The following LMO7 variants were observed in gnomAD, a reference collection of about 807,000 sequenced individuals.
LMO7 encodes LIM domain only protein 7.
A neutral mutation model predicts 206.5 loss-of-function variants in LMO7; 120 were observed. That is an observed-to-expected ratio of 0.58 (90% CI 0.50 to 0.68). The LOEUF is 0.68. Among genes scored for constraint, LMO7 ranks in the 30% least tolerant of loss-of-function variants. The probability of loss-of-function intolerance (pLI) is 0.00; values close to 1 mark genes in which losing one functional copy is unlikely to be tolerated. For missense variants in LMO7, 1,959 were observed against 1,957.9 expected, an observed-to-expected ratio of 1.00 and a Z score of -0.01; for synonymous variants, 706 against 681.5, an observed-to-expected ratio of 1.04 and a Z score of -0.56.
chr13:75,646,647 G>A (rs1331812910), intron 1 of LMO7, among the ~76,000 whole-genome samples: 1 of 151,218 alleles, frequency 6.6e-6, no homozygotes, highest in African/African-American at 2.4e-5. Flanking sequence ...GCAATGGCAC[G>A]ATCTCGGCTC....
Position 75,636,390 on chromosome 13 carries a change from C to G in LMO7, c.-268C>G. Reference sequence around the variant, plus strand: ...TGGGCACCCGCTTCGCTTCCCGCGTCCTGCCTGACTGCCCGGGTCCCCGCG... The same window carrying G: ...TGGGCACCCGCTTCGCTTCCCGCGTGCTGCCTGACTGCCCGGGTCCCCGCG... On this transcript the variant is annotated 5_prime_UTR_variant, in exon 1 of 31. Transcript: ENST00000377534. 1 of 1,300,672 alleles carries G rather than the reference C, an allele frequency of 7.7e-7. No homozygotes were observed. The highest frequency in any genetic ancestry group is 9.8e-7 in the Non-Finnish European group (1 of 1,023,550). 80.6% of individuals were successfully genotyped at this position (1,300,672 alleles called of 1,614,324 possible).
chr13:75,636,825 C>T (rs2035928948), intron 1 of LMO7, 99 bp downstream of exon 1: 2 of 1,187,752 alleles, frequency 1.7e-6, no homozygotes, highest in South Asian at 1.3e-5. Context: ...ACTTTAGCCT[C>T]CTTCGGCGAC....
chr13:75,775,902 T>A (rs978519738), intron 4 of LMO7, among the ~76,000 whole-genome samples: 24 of 151,514 alleles, frequency 1.6e-4, no homozygotes, highest in African/African-American at 5.8e-4. Flanking sequence ...GAAAACAGTG[T>A]GGAGATTTTT....
At chr13:75,639,715 G>T (rs984309719) in intron 1 of LMO7, among the ~76,000 whole-genome samples, 1 of 152,132 alleles carries the variant, frequency 6.6e-6, no homozygotes, top group African/African-American at 2.4e-5. Flanking sequence ...TTGAAACTGG[G>T]GTATGTAGCA....
chr13:75,848,777 G>A (rs971728469), intron 26 of LMO7, among the ~76,000 whole-genome samples: 1 of 152,176 alleles, frequency 6.6e-6, no homozygotes, highest in Non-Finnish European at 1.5e-5. Flanking sequence ...GATACCCAGT[G>A]GTGGGATTGC....
rs745669755 is a variant in LMO7 at position 75,836,419 on chromosome 13, A to G, written c.3356A>G (p.Asn1119Ser). ...QSSNIESKEI[N>S]GIHDESNAFE... is the part of the protein sequence containing the mutation. The stretch of plus-strand genomic sequence containing the variant: ...CAGAATATTGAATCCAAAGAAATCA[A>G]TGGAATTCATGATGAAAGCAATGCT... Residue 1119 changes from asparagine (N) to serine (S), a missense_variant, in exon 19 of 31, where the codon AAT becomes AGT. Asn to Ser is a conservative substitution (Grantham distance 46, BLOSUM62 1). Transcript: ENST00000377534. 1.3e-6 allele frequency: 2 copies of G among 1,539,486 alleles called. No individual in the cohort carries two copies. Among genetic ancestry groups the G allele is most frequent in the South Asian group, 1.2e-5 (1 of 84,270 alleles).
At chr13:75,749,034 T>C (rs1423211452) in intron 3 of LMO7, among the ~76,000 whole-genome samples, 1 of 152,114 alleles carries the variant, frequency 6.6e-6, no homozygotes, top group African/African-American at 2.4e-5. Context: ...CTGGAACTCC[T>C]GGGCTCAAGC....
intron 4 of LMO7, among the ~76,000 whole-genome samples, chr13:75,787,516 C>T (rs1190661882): frequency 6.6e-6 from 1 of 152,150 alleles, no homozygotes; most frequent in Non-Finnish European, 1.5e-5. Flanking sequence ...CAAGAGGGTA[C>T]TTATTCACTT....
chr13:75,841,753 AGAG>A lies in LMO7; in HGVS notation c.3805_3807del (p.Glu1269del). On this transcript the variant is annotated inframe_deletion, in exon 24 of 31. Transcript: ENST00000377534. ...ACAGAGAAGGAACCCGAGCAGGAGA[AGAG>A]GAGAGGAGACAGCCACAAGAGGAAG... is the stretch of plus-strand genomic sequence containing the variant. 2 of 1,614,120 alleles carry A rather than the reference AGAG, an allele frequency of 1.2e-6. No individual in the cohort carries two copies. The highest frequency in any genetic ancestry group is 1.7e-6 in the Non-Finnish European group (2 of 1,180,004).
chr13:75,713,790 G>A (rs537054291), intron 2 of LMO7, among the ~76,000 whole-genome samples: 2 of 152,278 alleles, frequency 1.3e-5, no homozygotes, highest in Admixed American at 1.3e-4. Flanking sequence ...TTACAAAGAA[G>A]TAAGATAGGC....
chr13:75,783,157 A>C (rs909751654), intron 4 of LMO7, among the ~76,000 whole-genome samples: 12 of 152,264 alleles, frequency 7.9e-5, no homozygotes, highest in Admixed American at 5.2e-4. Flanking sequence ...TGTATTTTAC[A>C]GCATATACAT....
intron 3 of LMO7, among the ~76,000 whole-genome samples, chr13:75,730,314 T>C (rs953047512): frequency 1.3e-5 from 2 of 152,238 alleles, no homozygotes; most frequent in Non-Finnish European, 2.9e-5. Context: ...GATCCTGTTA[T>C]TGGTCTGTTC....
At chr13:75,621,620 G>A (rs1255850673) in exon 1 of LMO7, 27 of 719,436 alleles carry the variant, frequency 3.8e-5, no homozygotes, top group Non-Finnish European at 5.5e-5. Flanking sequence ...GTGCTACAGT[G>A]ATAGGGCAAG....
chr13:75,726,996 T>C, intron 2 of LMO7, 33 bp from the exon 3 acceptor site: 2 of 1,222,120 alleles, frequency 1.6e-6, no homozygotes, highest in Non-Finnish European at 2.4e-6. Context: ...TATTGGCATC[T>C]TGTAATTGCA....
At chr13:75,624,863 GAC>G (rs2033823540) in intron 2 of LMO7, among the ~76,000 whole-genome samples, 2 of 152,180 alleles carry the variant, frequency 1.3e-5, no homozygotes, top group Non-Finnish European at 2.9e-5. Context: ...TTTGGGTGGA[GAC>G]ACAGCAAAAC....
In LMO7 at chr13:75,621,850, A is replaced by G. The variant is rs758898739; in HGVS notation, c.157A>G (p.Arg53Gly). 8 of 1,598,272 alleles carry G rather than the reference A, an allele frequency of 5.0e-6. No homozygotes were observed. The East Asian group carries it at 1.1e-4, about 22-fold the overall frequency. The change falls in exon 1 of 30, where the codon AGA (arginine) becomes GGA (glycine). Residue 53 changes from arginine (R) to glycine (G), a missense_variant. Physicochemically the swap from Arg to Gly is moderately radical, Grantham distance 125 (BLOSUM62 -2). Transcript: ENST00000341547. ...TGTGGGTTGGCTGTATCTCAGGGAC[A>G]GAGTCTGCAGCAAAAAAGGTAATAA...
chr13:75,711,052 A>T (rs1211643141), intron 1 of LMO7, among the ~76,000 whole-genome samples: 1 of 152,152 alleles, frequency 6.6e-6, no homozygotes, highest in East Asian at 1.9e-4. Flanking sequence ...ATCTATTGAG[A>T]TAATCATATG....
intron 4 of LMO7, among the ~76,000 whole-genome samples, chr13:75,779,335 TG>T (rs1471954848): frequency 6.7e-6 from 1 of 149,030 alleles, no homozygotes; most frequent in African/African-American, 2.4e-5. Context: ...GAACAGGAGA[TG>T]GGGATGGGGG....
chr13:75,828,709 A>G (rs2058359785), intron 15 of LMO7, among the ~76,000 whole-genome samples: 1 of 152,204 alleles, frequency 6.6e-6, no homozygotes, highest in African/African-American at 2.4e-5. Context: ...ACAATGAACA[A>G]AATAAGGGCT....
Sources: gnomAD v4.1 joint callset for allele counts (sites outside exome capture counted in the v4.1 genomes callset) on GRCh38, gnomAD v4.1.1 for gene constraint, MANE v1.5 for transcripts, NCBI Gene and HGNC (gene_info 2026-07-23, HGNC 2026-07-21) for gene names.